The following BAZ1B variants were observed in gnomAD, a reference collection of about 807,000 sequenced individuals.
BAZ1B encodes the protein bromodomain adjacent to zinc finger domain 1B.
Under a neutral mutation model 153.8 loss-of-function variants are expected in BAZ1B, and 22 were observed. The observed-to-expected ratio is 0.14, with a 90% CI of 0.10 to 0.20. The LOEUF (loss-of-function observed/expected upper bound fraction) is 0.20. Among genes scored for constraint, BAZ1B ranks in the 10% least tolerant of loss-of-function variants. The probability of loss-of-function intolerance (pLI) is 1.00; values close to 1 mark genes in which losing one functional copy is unlikely to be tolerated. For missense variants in BAZ1B, 1,325 were observed against 1,799.3 expected (o/e 0.74, Z 4.77); for synonymous variants, 676 against 633.4 (o/e 1.07, Z -1.01).
chr7:73,518,415 A>AAAATAAAT (rs538907384), intron 1 of BAZ1B, among the ~76,000 whole-genome samples: 11 of 151,718 alleles, frequency 7.3e-5, no homozygotes, highest in Non-Finnish European at 1.3e-4. Flanking sequence ...TCCGTCTCAA[A>AAAATAAAT]AAATAAATAA....
intron 7 of BAZ1B, among the ~76,000 whole-genome samples, chr7:73,472,810 G>A (rs1554572243): frequency 6.6e-6 from 1 of 151,748 alleles, no homozygotes; most frequent in African/African-American, 2.4e-5. Context: ...AGGCTGGAGT[G>A]CAGTGGTGTG....
chr7:73,489,461 A>AT (rs782028040), intron 5 of BAZ1B, 70 bp from the exon 6 acceptor site: 9 of 1,503,718 alleles, frequency 6.0e-6, no homozygotes, highest in Non-Finnish European at 6.4e-6. Context: ...AACAAGCAAT[A>AT]TACGTTCTCT....
intron 3 of BAZ1B, among the ~76,000 whole-genome samples, chr7:73,499,642 C>T (rs1554576863): frequency 1.3e-5 from 2 of 152,166 alleles, no homozygotes; most frequent in African/African-American, 4.8e-5. Context: ...TTTGAGGCTG[C>T]AGTAAGCTAT....
intron 6 of BAZ1B, among the ~76,000 whole-genome samples, chr7:73,479,611 C>T (rs1554573418): frequency 6.6e-6 from 1 of 151,960 alleles, no homozygotes; most frequent in Admixed American, 6.6e-5. Flanking sequence ...TCCAGTCCCA[C>T]AACTCTACAA....
intron 6 of BAZ1B, among the ~76,000 whole-genome samples, chr7:73,487,298 C>T (rs971328851): frequency 6.6e-6 from 1 of 152,040 alleles, no homozygotes; most frequent in Admixed American, 6.6e-5. Context: ...CGTGGTGGTA[C>T]GTGCCTGTAG....
At chr7:73,504,572 G>A (rs940036278) in intron 3 of BAZ1B, among the ~76,000 whole-genome samples, 3 of 152,112 alleles carry the variant, frequency 2.0e-5, no homozygotes, top group Non-Finnish European at 2.9e-5. Context: ...GCTGAGGCAG[G>A]AGAATGGTAT....
chr7:73,518,991 T>C (rs574057823), intron 1 of BAZ1B, among the ~76,000 whole-genome samples: 13 of 148,596 alleles, frequency 8.7e-5, no homozygotes, highest in East Asian at 1.9e-4. Context: ...CTGATAAAGT[T>C]AGTGTTTTCC....
chr7:73,447,399 T>G lies in BAZ1B; in HGVS notation c.3729-20A>C, dbSNP rs561199872. 3.1e-6 allele frequency: 5 copies of G among 1,601,168 alleles called. No individual in the cohort carries two copies. The Admixed American group carries it at 8.5e-5, about 27-fold the overall frequency. ...TAGTTCCTGTGGGTAGAAAAAATAA[T>G]GTAGGGAACACAGTTTTAGCCCAAA... On this transcript the variant is annotated intron_variant, in intron 15 of 19. Transcript: ENST00000339594.
At chr7:73,442,118 T>C (rs1357497738) in intron 19 of BAZ1B, 63 bp downstream of exon 19, 3 of 1,084,670 alleles carry the variant, frequency 2.8e-6, no homozygotes, top group Non-Finnish European at 4.0e-6. Context: ...TCCAGGTTCT[T>C]GGTCTTCCTC....
intron 3 of BAZ1B, among the ~76,000 whole-genome samples, chr7:73,504,903 GATA>G (rs1790273418): frequency 6.6e-6 from 1 of 152,178 alleles, no homozygotes; most frequent in Non-Finnish European, 1.5e-5. Context: ...CTAGCTAGGA[GATA>G]GAAAGGAGTC....
intron 13 of BAZ1B, among the ~76,000 whole-genome samples, chr7:73,455,469 ATAAG>A (rs1788161401): frequency 6.6e-6 from 1 of 152,332 alleles, no homozygotes; most frequent in East Asian, 1.9e-4. Context: ...ATATTTATTA[ATAAG>A]TAATACAAAA....
intron 9 of BAZ1B, among the ~76,000 whole-genome samples, chr7:73,466,884 A>G (rs1554571252): frequency 6.6e-6 from 1 of 152,154 alleles, no homozygotes; most frequent in Non-Finnish European, 1.5e-5. Flanking sequence ...TCTTGAGCCA[A>G]TTTATCAAAG....
rs1554565246 is a variant in BAZ1B at position 73,442,340 on chromosome 7, T to C, written c.4308A>G (p.Leu1436=). The C allele has an allele frequency of 1.2e-6, 2 of 1,614,214 alleles. No homozygotes were observed. Among genetic ancestry groups the C allele is most frequent in the Admixed American group, 1.7e-5 (1 of 60,016 alleles). Residue 1436 remains leucine (L), a synonymous_variant, in exon 19 of 20, where the codon CTA becomes CTG. Transcript: ENST00000339594. ...GAAGGTGTTTATGCAACAGAGCCAC[T>C]AGACACTGTTCTGTCTTCACCATGC... ...LSCMVKTEQC[L]VALLHKHLPG...
chr7:73,491,674 C>T (rs1789649842), intron 5 of BAZ1B, among the ~76,000 whole-genome samples: 1 of 152,156 alleles, frequency 6.6e-6, no homozygotes, highest in Non-Finnish European at 1.5e-5. Flanking sequence ...ATAACACCAA[C>T]AGTCAGAATG....
At chr7:73,493,266 G>A (rs1789727378) in intron 4 of BAZ1B, among the ~76,000 whole-genome samples, 1 of 151,940 alleles carries the variant, frequency 6.6e-6, no homozygotes, top group African/African-American at 2.4e-5. Flanking sequence ...TTCGAGACCA[G>A]CCTGACCAAC....
chr7:73,497,753 CTA>C (rs1381313247), intron 4 of BAZ1B, among the ~76,000 whole-genome samples: 1 of 152,036 alleles, frequency 6.6e-6, no homozygotes, highest in Non-Finnish European at 1.5e-5. Flanking sequence ...CAGTTCAAAC[CTA>C]TGTTGTTCAA....
chr7:73,461,659 G>A (rs1563370630), intron 12 of BAZ1B, among the ~76,000 whole-genome samples: 1 of 152,194 alleles, frequency 6.6e-6, no homozygotes, highest in Non-Finnish European at 1.5e-5. Context: ...ATGTGCATAT[G>A]TAAGATACAC....
At chr7:73,463,232 C>CT (rs1213839525) in intron 11 of BAZ1B, 133 bp from the exon 12 acceptor site, 8 of 638,514 alleles carry the variant, frequency 1.3e-5, no homozygotes, top group African/African-American at 4.0e-5. Context: ...GGTGTTTTTT[C>CT]TTTTTTCTTT....
At position 73,470,569 on chromosome 7, in the gene BAZ1B, C is replaced by T. The variant is rs1305703646; in HGVS notation, c.2594-86G>A. 1.4e-5 allele frequency: 20 copies of T among 1,477,434 alleles called. No individual in the cohort carries two copies. The Admixed American group carries it at 1.4e-4, about 10-fold the overall frequency. The allele number at this position is 1,477,434 out of a possible 1,614,324, so 91.5% of individuals were successfully genotyped here. ...TAAATAAAATATGGAGTAAAAAGTG[C>T]CTAGTATACAGTAGTTATCAAATCT... On this transcript the variant is annotated intron_variant, in intron 7 of 19. Coordinates refer to ENST00000339594, the MANE Select transcript of BAZ1B (RefSeq NM_032408.4).
Sources: allele counts gnomAD v4.1 joint callset (sites outside exome capture counted in the v4.1 genomes callset), GRCh38; gene constraint gnomAD v4.1.1; transcripts MANE v1.5; gene names NCBI Gene and HGNC (gene_info 2026-07-23, HGNC 2026-07-21).